ZNF609: variants seen among roughly 807,000 people sequenced by gnomAD.
The protein encoded by ZNF609 is zinc finger protein 609.
A neutral mutation model predicts 109.5 loss-of-function variants in ZNF609; 11 were observed. The ratio of observed to expected loss-of-function variants is 0.10; its 90% CI spans 0.06 to 0.17. The LOEUF is 0.17. Ranked by LOEUF, ZNF609 falls within the 10% of genes least tolerant of loss-of-function variation. The pLI, the probability that ZNF609 is intolerant of heterozygous loss-of-function variation, is 1.00. For missense variants in ZNF609, 1,559 were observed against 1,772.4 expected (o/e 0.88, Z 2.16); for synonymous variants, 646 against 662.0 (o/e 0.98, Z 0.37).
In ZNF609 at chr15:64,572,397, G is replaced by T. The variant is rs511204; in HGVS notation, c.748-50430G>T. 3.0e-4 allele frequency among the ~76,000 whole-genome samples: 45 copies of T among 152,098 alleles called. 1 individual carries two copies. The East Asian group carries it at 8.5e-3, about 29-fold the overall frequency. On this transcript the variant is annotated intron_variant, in intron 2 of 9. Transcript: ENST00000326648. ...AGTCCCAGGTACTTGGGAGGCTGAGGTGGGAGGATCACTTGAGCCAGGGAG... is the reference window on the plus strand; with the variant it reads ...AGTCCCAGGTACTTGGGAGGCTGAGTTGGGAGGATCACTTGAGCCAGGGAG...
intron 2 of ZNF609, among the ~76,000 whole-genome samples, chr15:64,571,442 T>G (rs912234428): frequency 6.6e-6 from 1 of 152,130 alleles, no homozygotes; most frequent in South Asian, 2.1e-4. Context: ...TAAAAAGTTA[T>G]ATAAACAGCT....
At position 64,499,896 on chromosome 15, in the gene ZNF609, G is replaced by A. The variant is rs1395493021; in HGVS notation, c.477G>A (p.Glu159=). ...ASRSVAGSKK[E]KENSSSKSKK... ...GCAGTGTAGCCGGTTCCAAAAAGGAGAAGGAGAACAGCTCATCTAAGAGCA... is the reference window on the plus strand; with the variant it reads ...GCAGTGTAGCCGGTTCCAAAAAGGAAAAGGAGAACAGCTCATCTAAGAGCA... Residue 159 remains glutamate (E), a synonymous_variant, in exon 2 of 10, where the codon GAG becomes GAA. Transcript: ENST00000326648. 1.9e-6 allele frequency: 3 copies of A among 1,613,994 alleles called. No homozygotes were observed. The highest frequency in any genetic ancestry group is 1.7e-5 in the Admixed American group (1 of 59,980).
In ZNF609 at chr15:64,565,817, G is replaced by A. The variant is rs561968069; in HGVS notation, c.748-57010G>A. ...CACTGACCTATACATTCATTTAAAA[G>A]CATTCTTTAATTGAAGTACTTTATT... On this transcript the variant is annotated intron_variant, in intron 2 of 9. Transcript: ENST00000326648. 5.9e-5 allele frequency among the ~76,000 whole-genome samples: 9 copies of A among 152,076 alleles called. No individual in the cohort carries two copies. In the East Asian group the frequency reaches 1.7e-3, roughly 29 times the overall value.
chr15:64,476,501 T>C (rs34762605), intron 1 of ZNF609, among the ~76,000 whole-genome samples: 2,365 of 152,204 alleles, frequency 0.016, 26 homozygotes, highest in Non-Finnish European at 0.026. Flanking sequence ...TTGAGAAATG[T>C]TGTGTTACTG....
chr15:64,679,280 C>T (rs1447026917), intron 6 of ZNF609, among the ~76,000 whole-genome samples: 1 of 152,190 alleles, frequency 6.6e-6, no homozygotes, highest in East Asian at 1.9e-4. Context: ...CCGTGTTGGT[C>T]AGGCTGGTCT....
In ZNF609 at chr15:64,609,084, C is replaced by CTT. The variant is rs1213261017; in HGVS notation, c.748-13741_748-13740dup. On this transcript the variant is annotated intron_variant, in intron 2 of 9. Coordinates refer to ENST00000326648, the MANE Select transcript of ZNF609 (RefSeq NM_015042.2). The stretch of plus-strand genomic sequence containing the variant: ...TTAATTTTTCTTTCTTTCTTTCTTT[C>CTT]TTTCTTTCTTTCTTTCTTTCTTTCT... Among the ~76,000 whole-genome samples the CTT allele has an allele frequency of 1.2e-4, 4 of 32,646 alleles. No homozygotes were observed. The Admixed American group carries it at 1.6e-3, about 13-fold the overall frequency. The allele number at this position is 32,646 out of a possible 152,430, so 21.4% of individuals were successfully genotyped here.
chr15:64,615,531 G>T (rs774730449), intron 2 of ZNF609, among the ~76,000 whole-genome samples: 32 of 150,010 alleles, frequency 2.1e-4, no homozygotes, highest in South Asian at 4.2e-4. Flanking sequence ...TTGTTGCCCA[G>T]GCTGTAGTGC....
intron 2 of ZNF609, chr15:64,528,821 T>A: frequency 1.2e-6 from 1 of 839,584 alleles, no homozygotes; most frequent in Non-Finnish European, 2.0e-6. Flanking sequence ...GCTGTTGAAG[T>A]CGAAGGAGAC....
At chr15:64,671,195 G>A (rs1896724136) in intron 4 of ZNF609, 1 of 118,890 alleles carries the variant, frequency 8.4e-6, no homozygotes, top group Non-Finnish European at 1.6e-5. Context: ...GGGGGACAGA[G>A]CAAGACTCCG....
At chr15:64,461,767 C>T (rs1892944048) in intron 1 of ZNF609, among the ~76,000 whole-genome samples, 2 of 152,104 alleles carry the variant, frequency 1.3e-5, no homozygotes, top group African/African-American at 4.8e-5. Flanking sequence ...GGAAGAAAGC[C>T]TGTCTGTTTC....
chr15:64,652,606 T>G (rs1896435176), intron 3 of ZNF609, among the ~76,000 whole-genome samples: 1 of 152,100 alleles, frequency 6.6e-6, no homozygotes, highest in South Asian at 2.1e-4. Context: ...TAGGCTGATC[T>G]CAAACTCCTA....
intron 1 of ZNF609, among the ~76,000 whole-genome samples, chr15:64,468,833 C>T (rs546404702): frequency 7.4e-4 from 112 of 152,100 alleles, no homozygotes; most frequent in Non-Finnish European, 1.5e-3. Flanking sequence ...AGTCATGCCC[C>T]TGTTTTCATG....
chr15:64,676,210 A>G lies in ZNF609; in HGVS notation c.3356A>G (p.Glu1119Gly). ...KEASEAKTGA[E>G]CGRQAEMDPI... is the part of the protein sequence containing the mutation. Reference sequence around the variant, plus strand: ...GCCTCTGAGGCCAAGACAGGTGCTGAGTGTGGTCGACAGGCAGAGATGGAT... The same window carrying G: ...GCCTCTGAGGCCAAGACAGGTGCTGGGTGTGGTCGACAGGCAGAGATGGAT... The change falls in exon 5 of 10, where the codon GAG becomes GGG. Residue 1119 changes from glutamate (E) to glycine (G), a missense_variant. By Grantham distance (98) the Glu-to-Gly change is moderately conservative (BLOSUM62 -2). Around this residue, in one of 4 missense-constraint regions of ZNF609, gnomAD observed 1,204 missense variants for 1,314.1 expected, o/e 0.92. Coordinates refer to ENST00000326648, the MANE Select transcript of ZNF609 (RefSeq NM_015042.2). 6.2e-7 allele frequency: 1 copy of G among 1,613,726 alleles called. No individual in the cohort carries two copies. The highest frequency in any genetic ancestry group is 8.5e-7 in the Non-Finnish European group (1 of 1,179,860).
intron 1 of ZNF609, among the ~76,000 whole-genome samples, chr15:64,477,738 C>T (rs1199065712): frequency 6.6e-6 from 1 of 151,962 alleles, no homozygotes; most frequent in African/African-American, 2.4e-5. Flanking sequence ...AAGCAAGTCT[C>T]CCACCTCAGC....
At chr15:64,626,362 A>C (rs1895962838) in intron 3 of ZNF609, among the ~76,000 whole-genome samples, 1 of 152,170 alleles carries the variant, frequency 6.6e-6, no homozygotes. Context: ...CATTCTCTGA[A>C]GATCTGTAAG....
At chr15:64,566,269 G>A (rs1034162221) in intron 2 of ZNF609, among the ~76,000 whole-genome samples, 1 of 152,192 alleles carries the variant, frequency 6.6e-6, no homozygotes, top group Non-Finnish European at 1.5e-5. Flanking sequence ...GTTTAAGACT[G>A]TAGTGAGCCA....
chr15:64,662,440 G>A (rs1487158927), intron 3 of ZNF609, among the ~76,000 whole-genome samples: 1 of 151,958 alleles, frequency 6.6e-6, no homozygotes, highest in Non-Finnish European at 1.5e-5. Flanking sequence ...ATCCCCCCAT[G>A]TCAGCCTCCA....
At chr15:64,545,421 A>G (rs1595713686) in intron 2 of ZNF609, among the ~76,000 whole-genome samples, 1 of 151,458 alleles carries the variant, frequency 6.6e-6, no homozygotes, top group African/African-American at 2.4e-5. Context: ...CTGGACTTGA[A>G]CTCCTGAGCT....
At chr15:64,551,948 T>TGCA (rs1894486521) in intron 2 of ZNF609, among the ~76,000 whole-genome samples, 1 of 136,700 alleles carries the variant, frequency 7.3e-6, no homozygotes, top group Non-Finnish European at 1.7e-5. Context: ...GTCGCACCAC[T>TGCA]GCACTCCAGC....
Sources: gnomAD v4.1 joint callset for allele counts (sites outside exome capture counted in the v4.1 genomes callset) on GRCh38, gnomAD v4.1.1 for gene constraint, gnomAD v4.1.1 regional missense constraint, MANE v1.5 for transcripts, NCBI Gene and HGNC (gene_info 2026-07-23, HGNC 2026-07-21) for gene names.